LYPD6: variants seen among roughly 807,000 people sequenced by gnomAD.
LYPD6 encodes LY6/PLAUR domain containing 6, also known as ly6/PLAUR domain-containing protein 6.
In LYPD6, 15 loss-of-function variants were observed where a neutral mutation model predicts 22.7. That is an observed-to-expected ratio of 0.66 (90% CI 0.44 to 1.02). LYPD6 has a LOEUF of 1.02. LYPD6 is among the 50% of genes least tolerant of loss of function. The pLI is 0.00. For synonymous variants in LYPD6, 72 were observed against 77.5 expected (o/e 0.93, Z 0.37); for missense variants, 189 against 208.4 (o/e 0.91, Z 0.57).
intron 1 of LYPD6, among the ~76,000 whole-genome samples, chr2:149,420,463 C>T (rs1683054023): frequency 6.6e-6 from 1 of 152,088 alleles, no homozygotes; most frequent in Admixed American, 6.6e-5. Flanking sequence ...GGAGAGGCCT[C>T]AAGACATTTT....
At chr2:149,446,872 G>A (rs2105160271) in intron 2 of LYPD6, among the ~76,000 whole-genome samples, 1 of 152,320 alleles carries the variant, frequency 6.6e-6, no homozygotes, top group Non-Finnish European at 1.5e-5. Flanking sequence ...AAATCAAAGT[G>A]ATATCTGGTC....
intron 1 of LYPD6, among the ~76,000 whole-genome samples, chr2:149,436,293 G>A (rs1683429126): frequency 6.6e-6 from 1 of 152,098 alleles, no homozygotes; most frequent in Non-Finnish European, 1.5e-5. Context: ...TTTCAGCTAG[G>A]TTAAAATAAA....
At chr2:149,341,979 A>G (rs915532464) in intron 1 of LYPD6, among the ~76,000 whole-genome samples, 2 of 152,192 alleles carry the variant, frequency 1.3e-5, no homozygotes, top group Admixed American at 6.5e-5. Context: ...ATTATATGAC[A>G]AACTGTTACC....
Position 149,397,953 on chromosome 2 carries a change from C to G in LYPD6, c.-71-39685C>G, listed in dbSNP as rs1682461730. Among the ~76,000 whole-genome samples the G allele has an allele frequency of 2.0e-5, 3 of 152,126 alleles. No homozygotes were observed. In the South Asian group the frequency reaches 6.2e-4, roughly 32 times the overall value. On this transcript the variant is annotated intron_variant, in intron 1 of 4. Coordinates refer to ENST00000334166, the MANE Select transcript of LYPD6 (RefSeq NM_194317.5). ...GATGTTGAAAAAAATAAAATATCCTCTCTGTGCTGATGATTATTTTTAGCA... is the reference window on the plus strand; with the variant it reads ...GATGTTGAAAAAAATAAAATATCCTGTCTGTGCTGATGATTATTTTTAGCA...
chr2:149,346,990 C>T (rs1313947825), intron 1 of LYPD6, among the ~76,000 whole-genome samples: 5 of 152,184 alleles, frequency 3.3e-5, no homozygotes, highest in Middle Eastern at 3.2e-3. Context: ...TGAGCCACTG[C>T]GCCCTGCCTA....
At chr2:149,420,455 A>G (rs1683053821) in intron 1 of LYPD6, among the ~76,000 whole-genome samples, 1 of 152,138 alleles carries the variant, frequency 6.6e-6, no homozygotes, top group East Asian at 1.9e-4. Context: ...TCGTCCCTGG[A>G]GAGGCCTCAA....
chr2:149,451,594 A>G (rs1054640623), intron 3 of LYPD6, among the ~76,000 whole-genome samples: 2 of 152,244 alleles, frequency 1.3e-5, no homozygotes, highest in African/African-American at 4.8e-5. Context: ...CACTGCTTGA[A>G]TGCCTCACAG....
intron 1 of LYPD6, among the ~76,000 whole-genome samples, chr2:149,347,915 A>T (rs1681286998): frequency 1.3e-5 from 2 of 152,096 alleles, no homozygotes; most frequent in South Asian, 4.1e-4. Flanking sequence ...CTACCCAGGG[A>T]TATTAAAAAA....
intron 1 of LYPD6, among the ~76,000 whole-genome samples, chr2:149,394,559 G>A (rs1357965002): frequency 6.6e-6 from 1 of 151,980 alleles, no homozygotes; most frequent in Non-Finnish European, 1.5e-5. Context: ...ATCACATAAA[G>A]TAAAAACTAT....
intron 1 of LYPD6, among the ~76,000 whole-genome samples, chr2:149,369,486 A>G (rs1405488550): frequency 6.6e-6 from 1 of 152,164 alleles, no homozygotes; most frequent in African/African-American, 2.4e-5. Context: ...CCTCAACTCC[A>G]GTTTTCTGGG....
rs1013454567 is a variant in LYPD6 at position 149,353,777 on chromosome 2, A to T, written c.-72+23055A>T. On this transcript the variant is annotated intron_variant, in intron 1 of 4. Transcript: ENST00000334166. ...CAACATAAATGTGCTCATTAAAAAAAAAAATTCCACCTTGAAACCTTTTTA... is the reference window on the plus strand; with the variant it reads ...CAACATAAATGTGCTCATTAAAAAATAAAATTCCACCTTGAAACCTTTTTA... Among the ~76,000 whole-genome samples, 4 of 152,314 alleles carry T rather than the reference A, an allele frequency of 2.6e-5. No individual in the cohort carries two copies. The East Asian group carries it at 7.7e-4, about 29-fold the overall frequency.
At chr2:149,445,607 C>G (rs1056967710) in intron 2 of LYPD6, among the ~76,000 whole-genome samples, 1 of 152,140 alleles carries the variant, frequency 6.6e-6, no homozygotes, top group Non-Finnish European at 1.5e-5. Flanking sequence ...GGATTTTTTC[C>G]TTAAACCTTG....
At chr2:149,381,710 A>G (rs1473424382) in intron 1 of LYPD6, among the ~76,000 whole-genome samples, 2 of 152,192 alleles carry the variant, frequency 1.3e-5, no homozygotes, top group Non-Finnish European at 2.9e-5. Flanking sequence ...ATTAACCTAC[A>G]TTTGTCAATG....
At chr2:149,480,572 G>C in the LYPD6 span, among the ~76,000 whole-genome samples, 12 of 152,136 alleles carry the variant, frequency 7.9e-5, no homozygotes, top group Admixed American at 3.9e-4. Context: ...TCCTGTGTGT[G>C]GGGGGGTGTT....
intron 1 of LYPD6, among the ~76,000 whole-genome samples, chr2:149,416,282 T>C (rs1272313467): frequency 3.9e-5 from 6 of 152,326 alleles, no homozygotes; most frequent in South Asian, 2.1e-4. Context: ...CTGGCTTACT[T>C]AATGATGTGA....
chr2:149,446,598 A>G (rs1413904383), intron 2 of LYPD6, among the ~76,000 whole-genome samples: 2 of 152,188 alleles, frequency 1.3e-5, no homozygotes, highest in African/African-American at 4.8e-5. Flanking sequence ...CCTCATGAAA[A>G]TGGAGTGGTT....
chr2:149,437,831 G>A lies in LYPD6; in HGVS notation c.118+5G>A, dbSNP rs767664227. 2 of 1,613,690 alleles carry A rather than the reference G, an allele frequency of 1.2e-6. No homozygotes were observed. Among genetic ancestry groups the A allele is most frequent in the South Asian group, 2.2e-5 (2 of 91,056 alleles). ...TTATCTACCTCCATCCTTCAAGTAAGACTGTTCTCTTTGCTGCAGAAATAT... is the reference window on the plus strand; with the variant it reads ...TTATCTACCTCCATCCTTCAAGTAAAACTGTTCTCTTTGCTGCAGAAATAT... On this transcript the variant is annotated splice_donor_5th_base_variant and intron_variant, in intron 2 of 4. Transcript: ENST00000334166.
At chr2:149,460,235 T>C (rs531089754) in intron 3 of LYPD6, among the ~76,000 whole-genome samples, 2 of 152,290 alleles carry the variant, frequency 1.3e-5, no homozygotes, top group East Asian at 3.9e-4. Context: ...ATGAAATGTA[T>C]TGACAGAATA....
Position 149,437,625 on chromosome 2 carries a change from C to T in LYPD6, c.-71-13C>T. On this transcript the variant is annotated splice_polypyrimidine_tract_variant and intron_variant, in intron 1 of 4. Coordinates refer to ENST00000334166, the MANE Select transcript of LYPD6 (RefSeq NM_194317.5). ...CAGTCGATCACTGAGATGATTCTTTCTTCATTTTTCAGGTGCAAGTTCTCT... is the reference window on the plus strand; with the variant it reads ...CAGTCGATCACTGAGATGATTCTTTTTTCATTTTTCAGGTGCAAGTTCTCT... 1 of 1,581,304 alleles carries T rather than the reference C, an allele frequency of 6.3e-7. No individual in the cohort carries two copies. Among genetic ancestry groups the T allele is most frequent in the Non-Finnish European group, 8.6e-7 (1 of 1,162,966 alleles).
Sources: allele counts gnomAD v4.1 joint callset (sites outside exome capture counted in the v4.1 genomes callset), GRCh38; gene constraint gnomAD v4.1.1; transcripts MANE v1.5; gene names NCBI Gene and HGNC (gene_info 2026-07-23, HGNC 2026-07-21).